Variants in PDZD2 observed in about 807,000 individuals in gnomAD.
The protein encoded by PDZD2 is PDZ domain-containing protein 2.
A neutral mutation model predicts 220.7 loss-of-function variants in PDZD2; 90 were observed. That is an observed-to-expected ratio of 0.41 (90% CI 0.34 to 0.49). The LOEUF (loss-of-function observed/expected upper bound fraction) is 0.49, where lower values mean the gene tolerates loss of function less well. PDZD2 is among the 20% of genes least tolerant of loss of function. The pLI, the probability that PDZD2 is intolerant of heterozygous loss-of-function variation, is 0.28. For synonymous variants in PDZD2, 1,375 were observed against 1,450.5 expected (o/e 0.95, Z 1.18); for missense variants, 3,174 against 3,608.5 (o/e 0.88, Z 3.08).
chr5:31,938,419 G>C (rs1581122404), intron 2 of PDZD2, among the ~76,000 whole-genome samples: 2 of 152,148 alleles, frequency 1.3e-5, no homozygotes, highest in Admixed American at 1.3e-4. Flanking sequence ...CCCAACAATA[G>C]TAAAGAAATA....
intron 12 of PDZD2, among the ~76,000 whole-genome samples, chr5:32,058,674 C>CAA (rs35570128): frequency 0.41 from 37,678 of 91,790 alleles, 7,356 homozygotes; most frequent in African/African-American, 0.57. Flanking sequence ...AACTCCGTCT[C>CAA]AAAAAAAAAA....
At chr5:32,039,862 G>C (rs560456963) in intron 7 of PDZD2, among the ~76,000 whole-genome samples, 1 of 146,432 alleles carries the variant, frequency 6.8e-6, no homozygotes, top group Non-Finnish European at 1.5e-5. Context: ...GCCTCTGCCC[G>C]GCTGCCCCAT....
chr5:31,982,964 G>T (rs1459358926), intron 2 of PDZD2, among the ~76,000 whole-genome samples, 191 bp from the exon 3 acceptor site: 1 of 152,114 alleles, frequency 6.6e-6, no homozygotes, highest in East Asian at 1.9e-4. Context: ...GGAGTTTGGG[G>T]GTAATTGTTT....
intron 1 of PDZD2, among the ~76,000 whole-genome samples, chr5:31,729,327 C>T (rs1258121756): frequency 6.6e-6 from 1 of 151,306 alleles, no homozygotes; most frequent in Non-Finnish European, 1.5e-5. Flanking sequence ...AAACTCCTGA[C>T]CTCAGGTGAT....
At chr5:31,935,586 A>C (rs1021608959) in intron 2 of PDZD2, among the ~76,000 whole-genome samples, 2 of 152,124 alleles carry the variant, frequency 1.3e-5, no homozygotes, top group African/African-American at 4.8e-5. Context: ...TTCCCAACAG[A>C]CTTCTTTATA....
intron 2 of PDZD2, among the ~76,000 whole-genome samples, chr5:31,850,157 T>C (rs1197140994): frequency 7.0e-6 from 1 of 142,356 alleles, no homozygotes; most frequent in African/African-American, 2.6e-5. Flanking sequence ...TATATATGTG[T>C]ATATATGTAT....
intron 1 of PDZD2, chr5:31,741,704 C>T (rs1374295920): frequency 1.3e-5 from 2 of 152,218 alleles, no homozygotes; most frequent in African/African-American, 4.8e-5. Flanking sequence ...AGCAGCCAAA[C>T]ACTTGTGCCT....
At chr5:32,023,262 C>T (rs1284711869) in intron 6 of PDZD2, among the ~76,000 whole-genome samples, 2 of 152,266 alleles carry the variant, frequency 1.3e-5, no homozygotes, top group African/African-American at 2.4e-5. Context: ...TACAGGCCCC[C>T]GGAGCCCAGA....
At chr5:31,710,528 A>G (rs978068741) in intron 1 of PDZD2, among the ~76,000 whole-genome samples, 1 of 152,162 alleles carries the variant, frequency 6.6e-6, no homozygotes, top group Non-Finnish European at 1.5e-5. Context: ...TATAAGGAAT[A>G]GAGATATGGC....
At chr5:31,740,972 T>C (rs1750223919) in intron 1 of PDZD2, among the ~76,000 whole-genome samples, 1 of 152,256 alleles carries the variant, frequency 6.6e-6, no homozygotes, top group Admixed American at 6.5e-5. Context: ...CTCATGTTTC[T>C]AACAGGGTTT....
At chr5:31,856,634 G>A (rs184748282) in intron 2 of PDZD2, among the ~76,000 whole-genome samples, 8 of 152,114 alleles carry the variant, frequency 5.3e-5, no homozygotes, top group African/African-American at 1.7e-4. Flanking sequence ...CACCTGGCAC[G>A]TAGTAGCGCT....
In PDZD2 at chr5:32,037,286, A is replaced by G. The variant is rs1254109986; in HGVS notation, c.1463A>G (p.Asn488Ser). Residue 488 changes from asparagine to serine, a missense_variant, in exon 7 of 25, where the codon AAC becomes AGC. By Grantham distance (46) the Asn-to-Ser change is conservative (BLOSUM62 1). This residue lies in a region of PDZD2 where 632 missense variants were observed against 708.1 expected (regional missense o/e 0.89). Transcript: ENST00000438447. ...TGCGGTGCTGAGGAATCCAAGGGGA[A>G]CTTGGAAAGTCCCAAACAGGGCAGC... ...DVCGAEESKGNLESPKQGSNK... is the reference protein window; with the variant it reads ...DVCGAEESKGSLESPKQGSNK... 1 of 1,613,860 alleles carries G rather than the reference A, an allele frequency of 6.2e-7. No individual in the cohort carries two copies. The highest frequency in any genetic ancestry group is 2.2e-5 in the East Asian group (1 of 44,878).
At chr5:31,970,657 AAAAT>A (rs1206139700) in intron 2 of PDZD2, among the ~76,000 whole-genome samples, 1 of 152,104 alleles carries the variant, frequency 6.6e-6, no homozygotes, top group Non-Finnish European at 1.5e-5. Context: ...CTCCACCTCA[AAAAT>A]AAATAATTAA....
intron 1 of PDZD2, among the ~76,000 whole-genome samples, chr5:31,662,532 CCAGCAGAT>C (rs1745808076): frequency 2.6e-5 from 4 of 152,200 alleles, no homozygotes; most frequent in Non-Finnish European, 5.9e-5. Flanking sequence ...GATCAAGGCA[CCAGCAGAT>C]TTGGAGTCTG....
chr5:31,656,149 C>G (rs1204273388), intron 1 of PDZD2, among the ~76,000 whole-genome samples: 1 of 152,218 alleles, frequency 6.6e-6, no homozygotes, highest in Non-Finnish European at 1.5e-5. Context: ...GGGTTTGAAT[C>G]TGGCTAATTA....
intron 2 of PDZD2, among the ~76,000 whole-genome samples, chr5:31,810,212 G>A (rs1755009545): frequency 6.7e-6 from 1 of 150,298 alleles, no homozygotes; most frequent in African/African-American, 2.4e-5. Flanking sequence ...TTATTCTCTC[G>A]TTTTGAGCAC....
chr5:31,723,794 T>A (rs917547805), intron 1 of PDZD2, among the ~76,000 whole-genome samples: 2 of 152,056 alleles, frequency 1.3e-5, no homozygotes, highest in African/African-American at 4.8e-5. Flanking sequence ...ATTTTTGTAT[T>A]TTTAGTAGAG....
intron 1 of PDZD2, among the ~76,000 whole-genome samples, chr5:31,658,212 A>G (rs1745625733): frequency 6.6e-6 from 1 of 151,882 alleles, no homozygotes; most frequent in Admixed American, 6.6e-5. Context: ...GGTCTATTCT[A>G]ACTCTTCCCC....
chr5:31,668,010 C>T (rs1309657020), intron 1 of PDZD2, among the ~76,000 whole-genome samples: 1 of 151,846 alleles, frequency 6.6e-6, no homozygotes, highest in Non-Finnish European at 1.5e-5. Context: ...TACAGGCGCC[C>T]ACCACTACGC....
Sources: gnomAD v4.1 joint callset for allele counts (sites outside exome capture counted in the v4.1 genomes callset) on GRCh38, gnomAD v4.1.1 for gene constraint, gnomAD v4.1.1 regional missense constraint, MANE v1.5 for transcripts, NCBI Gene and HGNC (gene_info 2026-07-23, HGNC 2026-07-21) for gene names.